The following MAP7D3 variants were observed in gnomAD, a reference collection of about 807,000 sequenced individuals.
MAP7D3 encodes MAP7 domain containing 3.
In MAP7D3, 45 loss-of-function variants were observed where a neutral mutation model predicts 62.2. The ratio of observed to expected loss-of-function variants is 0.72; its 90% CI spans 0.57 to 0.93. MAP7D3 has a LOEUF of 0.93. Ranked by LOEUF, MAP7D3 falls within the 40% of genes least tolerant of loss-of-function variation. The probability of loss-of-function intolerance (pLI) is 0.00; values close to 1 mark genes in which losing one functional copy is unlikely to be tolerated. For synonymous variants in MAP7D3, 288 were observed against 248.8 expected (o/e 1.16, Z -1.48); for missense variants, 711 against 683.1 (o/e 1.04, Z -0.45).
At chrX:136,215,048 G>A (rs1002076069), downstream of MAP7D3, 1 of 112,016 alleles carries the variant, frequency 8.9e-6, no homozygotes, top group African/African-American at 3.3e-5. Context: ...TGTCTAGTTC[G>A]TGCTGATTTA....
Position 136,231,946 on chromosome X carries a change from T to C in MAP7D3, c.1011A>G (p.Ser337=), listed in dbSNP as rs192207499. 1.8e-4 allele frequency: 212 copies of C among 1,209,597 alleles called. 1 individual carries two copies. The African/African-American group carries it at 3.5e-3, about 20-fold the overall frequency. Reference sequence around the variant, plus strand: ...ACACGTCCACGCTCACCACAGGGAATGAGTCCGTGCTCACCTCAGGGGCCA... The same window carrying C: ...ACACGTCCACGCTCACCACAGGGAACGAGTCCGTGCTCACCTCAGGGGCCA... ...VGMAPEVSTD[S]FPVVSVDVSP... The change falls in exon 8 of 19, where the codon TCA becomes TCG. Residue 337 remains serine (S), a synonymous_variant. Transcript: ENST00000316077.
At chrX:136,243,181 A>AAGAGAAAAGG (rs1486737470) in intron 4 of MAP7D3, among the ~76,000 whole-genome samples, 1 of 111,537 alleles carries the variant, frequency 9.0e-6, no homozygotes, top group African/African-American at 3.3e-5. Flanking sequence ...AATGGAACCA[A>AAGAGAAAAGG]AGAGAAAAGG....
upstream of MAP7D3, among the ~76,000 whole-genome samples, chrX:136,253,515 C>G (rs1318146947): frequency 8.9e-6 from 1 of 112,130 alleles, no homozygotes; most frequent in Non-Finnish European, 1.9e-5. Context: ...TCACAGGAGG[C>G]TAAAGAGACC....
chrX:136,231,209 A>G (rs1256020290), intron 8 of MAP7D3: 1 of 332,839 alleles, frequency 3.0e-6, no homozygotes, highest in South Asian at 9.6e-5. Context: ...ATTATCCTTC[A>G]AAACCAAACT....
In MAP7D3 at chrX:136,230,805, G is replaced by A. The variant is rs139010678; in HGVS notation, c.1541+34C>T. On this transcript the variant is annotated intron_variant, in intron 9 of 18. Transcript: ENST00000316077. ...GACATGGAATTTGTTCTAGTAAAAC[G>A]CCTATCAGGAACAGTTGCGAATAAG... is the stretch of plus-strand genomic sequence containing the variant. 863 of 1,184,091 alleles carry A rather than the reference G, an allele frequency of 7.3e-4. No individual in the cohort carries two copies. In the African/African-American group the frequency reaches 0.012, roughly 16 times the overall value.
intron 4 of MAP7D3, among the ~76,000 whole-genome samples, chrX:136,242,552 G>A (rs2074401744): frequency 1.8e-5 from 2 of 110,506 alleles, no homozygotes; most frequent in Admixed American, 9.7e-5. Flanking sequence ...GGACTCTCCC[G>A]CACTAGCTAT....
intron 13 of MAP7D3, 84 bp from the exon 14 acceptor site, chrX:136,224,964 T>G (rs1322248676): frequency 1.6e-6 from 1 of 627,369 alleles, no homozygotes; most frequent in Non-Finnish European, 2.5e-6. Context: ...TATCCCCATT[T>G]CACAGAGGTG....
intron 4 of MAP7D3, among the ~76,000 whole-genome samples, chrX:136,242,545 C>T (rs1421517341): frequency 2.7e-5 from 3 of 110,933 alleles, no homozygotes; most frequent in Non-Finnish European, 5.7e-5. Flanking sequence ...CTGTCTGGGA[C>T]TCTCCCGCAC....
chrX:136,226,782 G>C (rs2074202402), intron 12 of MAP7D3, among the ~76,000 whole-genome samples: 1 of 111,778 alleles, frequency 8.9e-6, no homozygotes, highest in Non-Finnish European at 1.9e-5. Context: ...GTTTTCTGAG[G>C]GTGGCTGACA....
chrX:136,245,072 AT>A (rs964662149), intron 3 of MAP7D3, among the ~76,000 whole-genome samples: 2 of 112,130 alleles, frequency 1.8e-5, no homozygotes, highest in African/African-American at 6.5e-5. Context: ...AAGAAAAAAT[AT>A]TTTCTTTCAT....
At chrX:136,224,384 A>G (rs1366298586) in intron 14 of MAP7D3, among the ~76,000 whole-genome samples, 1 of 105,354 alleles carries the variant, frequency 9.5e-6, no homozygotes, top group Non-Finnish European at 1.9e-5. Context: ...TGGGTGACAG[A>G]GCGGGACTCT....
Position 136,230,476 on chromosome X carries a change from A to C in MAP7D3, c.1659T>G (p.Ser553Arg). Residue 553 changes from serine (S) to arginine (R), a missense_variant, in exon 10 of 19, where the codon AGT (serine) becomes AGG (arginine). By Grantham distance (110) the Ser-to-Arg change is moderately radical. Coordinates refer to ENST00000316077, the MANE Select transcript of MAP7D3 (RefSeq NM_024597.4). Reference protein sequence around the residue: ...MPIQHTLSVQSASSTVKKKKE... With the variant: ...MPIQHTLSVQRASSTVKKKKE... ...TTTTCTTTTTGACAGTACTTGATGCACTTTGCACAGACAGGGTGTGTTGAA... is the reference window on the plus strand; with the variant it reads ...TTTTCTTTTTGACAGTACTTGATGCCCTTTGCACAGACAGGGTGTGTTGAA... 1.7e-6 allele frequency: 2 copies of C among 1,189,303 alleles called. No homozygotes were observed. Among genetic ancestry groups the C allele is most frequent in the Non-Finnish European group, 2.3e-6 (2 of 875,054 alleles).
chrX:136,251,473 C>T (rs900745402), upstream of MAP7D3: 16 of 136,678 alleles, frequency 1.2e-4, no homozygotes, highest in South Asian at 4.3e-3. Flanking sequence ...CGGGGCGGGG[C>T]GGGGCGGGGC....
At chrX:136,255,915 G>T, upstream of MAP7D3, 1 of 218,633 alleles carries the variant, frequency 4.6e-6, no homozygotes, top group Non-Finnish European at 6.7e-6. Context: ...TGCCACATTT[G>T]TTTCTATTAA....
rs923781187 is a variant in MAP7D3 at position 136,216,926 on chromosome X, T to TG, written c.*1599dup. ...ACAGGAACTCTTTTGTTAGGATGAT[T>TG]GTCTCTGTTTTATACATGAAAGAGC... is the stretch of plus-strand genomic sequence containing the variant. On this transcript the variant is annotated 3_prime_UTR_variant, in exon 19 of 19. Transcript: ENST00000316077. The TG allele has an allele frequency of 1.8e-5, 2 of 112,577 alleles. No homozygotes were observed. The highest frequency in any genetic ancestry group is 9.4e-5 in the Admixed American group (1 of 10,626). The allele number at this position is 112,577 out of a possible 1,213,427, so 9.3% of individuals were successfully genotyped here. A position where few individuals can be genotyped will look rare whatever the true frequency, so the allele number is the denominator to read the frequency against.
intron 5 of MAP7D3, 38 bp from the exon 6 acceptor site, chrX:136,240,524 A>G (rs1404762866): frequency 1.1e-6 from 1 of 902,533 alleles, no homozygotes. Flanking sequence ...ATCATATTTC[A>G]AGGAGGAAAG....
intron 1 of MAP7D3, among the ~76,000 whole-genome samples, chrX:136,250,820 G>A (rs1407866599): frequency 8.9e-6 from 1 of 111,872 alleles, no homozygotes; most frequent in African/African-American, 3.2e-5. Context: ...GCCTGGCGGC[G>A]GAGGCGGCGC....
In MAP7D3 at chrX:136,232,058, T is replaced by C; in HGVS notation, c.899A>G (p.Lys300Arg). 3 of 1,211,337 alleles carry C rather than the reference T, an allele frequency of 2.5e-6. No homozygotes were observed. The highest frequency in any genetic ancestry group is 3.0e-5 in the East Asian group (1 of 33,842). ...SPLEKVETPP[K>R]ASVDAPPQVN... ...CTGGGGGGGTGCATCCACACTTGCC[T>C]TGGGAGGTGTCTCTACTTTCTCCAA... Residue 300 changes from lysine to arginine, a missense_variant, in exon 8 of 19, where the codon AAG (lysine) becomes AGG (arginine). Transcript: ENST00000316077.
At chrX:136,234,623 G>A (rs1465701982) in intron 7 of MAP7D3, among the ~76,000 whole-genome samples, 1 of 111,718 alleles carries the variant, frequency 9.0e-6, no homozygotes, top group African/African-American at 3.3e-5. Context: ...TGGTAACTAC[G>A]GATTCAAACT....
Sources: gnomAD v4.1 joint callset for allele counts (sites outside exome capture counted in the v4.1 genomes callset) on GRCh38, gnomAD v4.1.1 for gene constraint, MANE v1.5 for transcripts, NCBI Gene and HGNC (gene_info 2026-07-23, HGNC 2026-07-21) for gene names.